SLC9C1: variants seen among roughly 807,000 people sequenced by gnomAD.
SLC9C1 encodes sodium/hydrogen exchanger 10.
SLC9C1 carries 97 observed loss-of-function variants against 140.9 expected under a neutral mutation model. That is an observed-to-expected ratio of 0.69 (90% CI 0.58 to 0.82). The LOEUF is 0.82. SLC9C1 is among the 40% of genes least tolerant of loss of function. The pLI is 0.00. For synonymous variants in SLC9C1, 440 were observed against 442.6 expected, an observed-to-expected ratio of 0.99 and a Z score of 0.07; for missense variants, 1,340 against 1,389.3, an observed-to-expected ratio of 0.96 and a Z score of 0.56.
intron 10 of SLC9C1, among the ~76,000 whole-genome samples, chr3:112,261,697 T>C (rs2079776537): frequency 6.6e-6 from 1 of 152,120 alleles, no homozygotes; most frequent in African/African-American, 2.4e-5. Context: ...TAAAATTTTA[T>C]TTTAAAACAC....
chr3:112,176,646 ATCT>A (rs1353399444), intron 23 of SLC9C1, among the ~76,000 whole-genome samples: 1 of 152,070 alleles, frequency 6.6e-6, no homozygotes, highest in Non-Finnish European at 1.5e-5. Context: ...AGATTATTTT[ATCT>A]TCTTCTGAAA....
Position 112,149,836 on chromosome 3 carries a change from G to A in SLC9C1, c.3524+2021C>T, listed in dbSNP as rs140452392. ...GCACCATGATCTGTGTCCAGGAAGG[G>A]TGGGATGGCTTAGGGTGCTGAACAG... On this transcript the variant is annotated intron_variant, in intron 28 of 28. Coordinates refer to ENST00000305815, the MANE Select transcript of SLC9C1 (RefSeq NM_183061.3). 5.5e-3 allele frequency among the ~76,000 whole-genome samples: 831 copies of A among 152,172 alleles called. 4 individuals are homozygous for A. Among genetic ancestry groups the A allele is most frequent in the African/African-American group, 0.019 (776 of 41,510 alleles).
At chr3:112,202,874 G>C (rs1011718953) in intron 17 of SLC9C1, among the ~76,000 whole-genome samples, 5 of 151,944 alleles carry the variant, frequency 3.3e-5, no homozygotes, top group African/African-American at 4.8e-5. Context: ...TCTTTGCTGA[G>C]GGTTGAAGTC....
chr3:112,215,855 C>T (rs1484504972), intron 15 of SLC9C1, among the ~76,000 whole-genome samples: 2 of 152,162 alleles, frequency 1.3e-5, no homozygotes, highest in Non-Finnish European at 2.9e-5. Flanking sequence ...GAAAAAACTA[C>T]TTTAAACTTC....
chr3:112,177,789 G>GTT lies in SLC9C1; in HGVS notation c.2919+1740_2919+1741dup, dbSNP rs550137727. Among the ~76,000 whole-genome samples the GTT allele has an allele frequency of 1.0e-3, 146 of 144,840 alleles. 3 individuals carry two copies. In the East Asian group the frequency reaches 0.013, roughly 13 times the overall value. On this transcript the variant is annotated intron_variant, in intron 23 of 28. Coordinates refer to ENST00000305815, the MANE Select transcript of SLC9C1 (RefSeq NM_183061.3). ...CTCATATATTTTATTAAGTTTTAGG[G>GTT]TTTTTTTTTTATAGCAGATGTGCTG...
intron 10 of SLC9C1, among the ~76,000 whole-genome samples, chr3:112,248,138 A>G (rs192631428): frequency 6.6e-6 from 1 of 152,258 alleles, no homozygotes; most frequent in East Asian, 1.9e-4. Context: ...AGAGGTCCAA[A>G]TGACAAAGAG....
Position 112,239,997 on chromosome 3 carries a change from T to A in SLC9C1, c.1289A>T (p.Asp430Val), listed in dbSNP as rs1251415192. 6.2e-7 allele frequency: 1 copy of A among 1,610,802 alleles called. No homozygotes were observed. The change falls in exon 12 of 29, where the codon GAT becomes GTT. Residue 430 changes from aspartate (D) to valine (V), a missense_variant. Asp to Val is a radical substitution (Grantham distance 152). Transcript: ENST00000305815. ...CGATTTATATTTTGTTGATGTGGCA[T>A]CACGAAGACCTTTGATACAAACACA... Reference protein sequence around the residue: ...PVAVTILGLRDATSTKYKSVC... With the variant: ...PVAVTILGLRVATSTKYKSVC...
At chr3:112,186,009 C>T in intron 20 of SLC9C1, 1 of 1,510,642 alleles carries the variant, frequency 6.6e-7, no homozygotes, top group Non-Finnish European at 8.8e-7. Flanking sequence ...GTATTTAGCA[C>T]CTTTTCTTAT....
intron 20 of SLC9C1, among the ~76,000 whole-genome samples, chr3:112,183,201 TCTA>T (rs1261633881): frequency 6.6e-6 from 1 of 152,184 alleles, no homozygotes; most frequent in Non-Finnish European, 1.5e-5. Flanking sequence ...AATTTACACT[TCTA>T]CTCTAATGTT....
At chr3:112,242,673 A>G (rs1576428964) in intron 11 of SLC9C1, among the ~76,000 whole-genome samples, 1 of 152,158 alleles carries the variant, frequency 6.6e-6, no homozygotes, top group Non-Finnish European at 1.5e-5. Flanking sequence ...AATAACTAAA[A>G]GAGCACAATT....
intron 11 of SLC9C1, among the ~76,000 whole-genome samples, chr3:112,242,780 T>G (rs1261429666): frequency 6.6e-6 from 1 of 152,038 alleles, no homozygotes; most frequent in African/African-American, 2.4e-5. Flanking sequence ...TCAAAATATC[T>G]CATGCACCCC....
At position 112,276,774 on chromosome 3, in the gene SLC9C1, A is replaced by G. The variant is rs916963588; in HGVS notation, c.484+921T>C. ...CACAAGGAGGCAGGGATGTGTGCTG[A>G]GAGTATGGGGAGGAAGACAAGAATC... is the stretch of plus-strand genomic sequence containing the variant. On this transcript the variant is annotated intron_variant, in intron 5 of 28. Coordinates refer to ENST00000305815, the MANE Select transcript of SLC9C1 (RefSeq NM_183061.3). Among the ~76,000 whole-genome samples, 3 of 152,186 alleles carry G rather than the reference A, an allele frequency of 2.0e-5. No individual in the cohort carries two copies. In the South Asian group the frequency reaches 6.2e-4, roughly 32 times the overall value.
chr3:112,196,967 A>C (rs1200328187), intron 20 of SLC9C1, among the ~76,000 whole-genome samples: 3 of 151,994 alleles, frequency 2.0e-5, no homozygotes, highest in African/African-American at 7.2e-5. Flanking sequence ...TAAAAAAAAA[A>C]AACTGAATTT....
chr3:112,280,292 A>G (rs2080322147), intron 3 of SLC9C1, among the ~76,000 whole-genome samples: 2 of 152,232 alleles, frequency 1.3e-5, no homozygotes, highest in Admixed American at 1.3e-4. Context: ...GAGGAAATAG[A>G]TTAGTTCAAT....
Position 112,239,998 on chromosome 3 carries a change from C to G in SLC9C1, c.1288G>C (p.Asp430His). ...GATTTATATTTTGTTGATGTGGCAT[C>G]ACGAAGACCTTTGATACAAACACAC... ...PVAVTILGLR[D>H]ATSTKYKSVC... is the part of the protein sequence containing the mutation. The change falls in exon 12 of 29, where the codon GAT becomes CAT. Residue 430 changes from aspartate to histidine, a missense_variant. Coordinates refer to ENST00000305815, the MANE Select transcript of SLC9C1 (RefSeq NM_183061.3). The G allele has an allele frequency of 6.2e-7, 1 of 1,610,308 alleles. No individual in the cohort carries two copies. Among genetic ancestry groups the G allele is most frequent in the Non-Finnish European group, 8.5e-7 (1 of 1,178,276 alleles).
chr3:112,284,985 C>T (rs368292417), intron 2 of SLC9C1, among the ~76,000 whole-genome samples: 400 of 103,592 alleles, frequency 3.9e-3, no homozygotes, highest in Middle Eastern at 0.024. Context: ...TACAATTTTT[C>T]TTTTTTTTTT....
chr3:112,187,214 GACA>G (rs1231042887), intron 20 of SLC9C1, among the ~76,000 whole-genome samples: 1 of 152,122 alleles, frequency 6.6e-6, no homozygotes, highest in African/African-American at 2.4e-5. Flanking sequence ...ATAAAATAGG[GACA>G]ACAATAGTAT....
At chr3:112,168,830 G>T (rs1271189509) in intron 25 of SLC9C1, 47 bp downstream of exon 25, 3 of 1,458,894 alleles carry the variant, frequency 2.1e-6, no homozygotes, top group Admixed American at 2.3e-5. Context: ...ATACATTGTT[G>T]GACATATGGC....
intron 10 of SLC9C1, among the ~76,000 whole-genome samples, chr3:112,257,280 A>G (rs1014257036): frequency 7.9e-5 from 12 of 152,174 alleles, no homozygotes; most frequent in Non-Finnish European, 1.5e-4. Context: ...GAGGCATCAC[A>G]TTACCTGACT....
Sources: gnomAD v4.1 joint callset for allele counts (sites outside exome capture counted in the v4.1 genomes callset) on GRCh38, gnomAD v4.1.1 for gene constraint, MANE v1.5 for transcripts, NCBI Gene and HGNC (gene_info 2026-07-23, HGNC 2026-07-21) for gene names.